Variants in TRPM1 observed in about 807,000 individuals in gnomAD.
TRPM1 encodes transient receptor potential cation channel subfamily M member 1.
In TRPM1, 113 loss-of-function variants were observed where a neutral mutation model predicts 149.4. The ratio of observed to expected loss-of-function variants is 0.76; its 90% CI spans 0.65 to 0.88. TRPM1 has a LOEUF of 0.88. TRPM1 is among the 40% of genes least tolerant of loss of function. TRPM1 has a pLI of 0.00. For synonymous variants in TRPM1, 741 were observed against 759.5 expected, an observed-to-expected ratio of 0.98 and a Z score of 0.40; for missense variants, 1,976 against 2,038.7, an observed-to-expected ratio of 0.97 and a Z score of 0.59.
chr15:31,100,802 C>G (rs2035498264), intron 1 of TRPM1, among the ~76,000 whole-genome samples: 1 of 152,160 alleles, frequency 6.6e-6, no homozygotes, highest in Non-Finnish European at 1.5e-5. Context: ...ATCCTATGGA[C>G]AGACCATGAT....
At chr15:31,115,126 C>T (rs1429487525) in intron 1 of TRPM1, among the ~76,000 whole-genome samples, 1 of 151,984 alleles carries the variant, frequency 6.6e-6, no homozygotes, top group Non-Finnish European at 1.5e-5. Context: ...AGCATGGTGG[C>T]GGGTGCCTGT....
chr15:31,092,819 C>G (rs2035277612), intron 1 of TRPM1, among the ~76,000 whole-genome samples: 1 of 152,166 alleles, frequency 6.6e-6, no homozygotes, highest in Admixed American at 6.5e-5. Context: ...CAAACTGCAG[C>G]TACCATATGG....
chr15:31,023,012 TCAAAAA>T (rs562360463), intron 27 of TRPM1, among the ~76,000 whole-genome samples: 40 of 152,228 alleles, frequency 2.6e-4, no homozygotes, highest in South Asian at 8.3e-4. Flanking sequence ...AGACCTTGTC[TCAAAAA>T]CAAAAACAAA....
intron 1 of TRPM1, among the ~76,000 whole-genome samples, chr15:31,127,683 G>C (rs1224963134): frequency 6.6e-6 from 1 of 152,134 alleles, no homozygotes; most frequent in South Asian, 2.1e-4. Context: ...GGTGGGACAG[G>C]GTGGCGAGAA....
chr15:31,002,874 C>T lies in TRPM1; in HGVS notation c.3826G>A (p.Glu1276Lys), dbSNP rs746984801. The change falls in exon 28 of 28, where the codon GAG (glutamate) becomes AAG (lysine). Residue 1276 changes from glutamate (E) to lysine (K), a missense_variant. Coordinates refer to ENST00000256552, the MANE Select transcript of TRPM1 (RefSeq NM_001252024.2). The part of the protein sequence containing the change: ...QARSRASSEC[E>K]ATYLLRQSSI... ...CTTTGCCGGAGAAGATACGTTGCCT[C>T]ACATTCAGAAGAAGCCCGGGACCGT... 6 of 1,613,976 alleles carry T rather than the reference C, an allele frequency of 3.7e-6. No homozygotes were observed. Among genetic ancestry groups the T allele is most frequent in the Non-Finnish European group, 5.1e-6 (6 of 1,180,026 alleles).
At chr15:31,031,470 A>C in intron 22 of TRPM1, 1 of 462,446 alleles carries the variant, frequency 2.2e-6, no homozygotes, top group South Asian at 2.8e-5. Flanking sequence ...GAAGAATTAG[A>C]AGAAAAGATG....
In TRPM1 at chr15:31,062,599, A is replaced by G. The variant is rs1426737705; in HGVS notation, c.1069T>C (p.Cys357Arg). ...CTTACGAGTTCTTTCTTCTTCATGC[A>G]CTCCATTATAATTGCAAACAGCTGA... ...SHQLFAIIME[C>R]MKKKELVTVF... Residue 357 changes from cysteine (C) to arginine (R), a missense_variant, in exon 9 of 28, where the codon TGC becomes CGC. Cys to Arg is a radical substitution (Grantham distance 180). This residue lies in a region of TRPM1 where 1,332 missense variants were observed against 1,347.1 expected (regional missense o/e 0.99). Coordinates refer to ENST00000256552, the MANE Select transcript of TRPM1 (RefSeq NM_001252024.2). 6.8e-6 allele frequency: 11 copies of G among 1,613,984 alleles called. No homozygotes were observed. The highest frequency in any genetic ancestry group is 9.3e-6 in the Non-Finnish European group (11 of 1,180,006).
chr15:31,081,740 TCTC>T (rs1392131881), intron 1 of TRPM1, among the ~76,000 whole-genome samples: 5 of 151,830 alleles, frequency 3.3e-5, no homozygotes, highest in Non-Finnish European at 5.9e-5. Context: ...GAGCTCAACA[TCTC>T]CTAATGACTC....
chr15:31,112,224 C>T (rs2035699788), intron 1 of TRPM1, among the ~76,000 whole-genome samples: 1 of 152,184 alleles, frequency 6.6e-6, no homozygotes, highest in Admixed American at 6.5e-5. Context: ...TGGCTCATGC[C>T]TGTAATCCCT....
intron 3 of TRPM1, among the ~76,000 whole-genome samples, chr15:31,076,093 C>T (rs143176770): frequency 3.9e-4 from 59 of 150,984 alleles, no homozygotes; most frequent in Non-Finnish European, 7.2e-4. Context: ...CTTTTGTGAC[C>T]GTTGGCATTG....
chr15:31,104,738 T>C (rs577080317), upstream of TRPM1, among the ~76,000 whole-genome samples: 95 of 151,930 alleles, frequency 6.3e-4, no homozygotes, highest in African/African-American at 9.6e-4. Flanking sequence ...GGACTACAGG[T>C]GCCTGCCACC....
intron 1 of TRPM1, among the ~76,000 whole-genome samples, chr15:31,155,747 C>T (rs962180165): frequency 7.9e-5 from 12 of 152,052 alleles, no homozygotes; most frequent in Non-Finnish European, 1.5e-4. Flanking sequence ...GAGGACTAAA[C>T]TCTGACCTTT....
At chr15:31,094,183 T>C (rs2035315667) in intron 1 of TRPM1, among the ~76,000 whole-genome samples, 1 of 152,218 alleles carries the variant, frequency 6.6e-6, no homozygotes, top group Admixed American at 6.5e-5. Context: ...TTTGGACCCC[T>C]ACTTCACACT....
chr15:31,027,231 T>G (rs1423002967), intron 25 of TRPM1, 114 bp from the exon 26 acceptor site: 2 of 928,216 alleles, frequency 2.2e-6, no homozygotes, highest in Non-Finnish European at 3.3e-6. Flanking sequence ...GGCCTTTTAG[T>G]GCCCTTTAGT....
At chr15:31,017,332 A>G (rs986359896) in intron 27 of TRPM1, among the ~76,000 whole-genome samples, 1 of 152,210 alleles carries the variant, frequency 6.6e-6, no homozygotes, top group African/African-American at 2.4e-5. Flanking sequence ...AAAATAGAGT[A>G]AAAGATTGTA....
chr15:31,139,737 G>T (rs1002396382), intron 1 of TRPM1, among the ~76,000 whole-genome samples: 13 of 152,142 alleles, frequency 8.5e-5, no homozygotes, highest in African/African-American at 3.1e-4. Flanking sequence ...TGCTTAGGTG[G>T]CAACTGTCTA....
At chr15:31,059,604 A>T (rs1414007027) in intron 11 of TRPM1, among the ~76,000 whole-genome samples, 1 of 151,982 alleles carries the variant, frequency 6.6e-6, no homozygotes, top group Non-Finnish European at 1.5e-5. Context: ...ATGGTGTCTC[A>T]CTATGTTGAC....
rs1462161440 is a variant in TRPM1, at chr15:31,027,076, C to T, written c.3335G>A (p.Trp1112Ter). 6.2e-7 allele frequency: 1 copy of T among 1,614,192 alleles called. No homozygotes were observed. Among genetic ancestry groups the T allele is most frequent in the Admixed American group, 1.7e-5 (1 of 60,028 alleles). ...AATCAGCTGATATCGCTGGAACTTC[C>T]ACACCTGGTTGGATATTGATTTTAC... ...FEVKSISNQV[W>*]KFQRYQLIMT... The change falls in exon 26 of 28, where the codon TGG becomes TAG. Residue 1112 changes from tryptophan (W) to a stop codon, truncating the protein, a stop_gained. Transcript: ENST00000256552. LOFTEE classifies it high-confidence loss of function.
chr15:31,146,286 A>C (rs925024083), intron 1 of TRPM1, among the ~76,000 whole-genome samples: 2 of 152,258 alleles, frequency 1.3e-5, no homozygotes, highest in Non-Finnish European at 2.9e-5. Context: ...GACTGGAAAC[A>C]CAGAAACTGA....
Sources: gnomAD v4.1 joint callset for allele counts (sites outside exome capture counted in the v4.1 genomes callset) on GRCh38, gnomAD v4.1.1 for gene constraint, gnomAD v4.1.1 regional missense constraint, MANE v1.5 for transcripts, NCBI Gene and HGNC (gene_info 2026-07-23, HGNC 2026-07-21) for gene names.